EIF4E1B: variants seen among roughly 807,000 people sequenced by gnomAD.
The protein encoded by EIF4E1B is eukaryotic translation initiation factor 4E family member 1B.
EIF4E1B carries 22 observed loss-of-function variants against 31.3 expected under a neutral mutation model. The observed-to-expected ratio is 0.70, with a 90% confidence interval of 0.50 to 1.00. The LOEUF is 1.00. Ranked by LOEUF, EIF4E1B falls within the 50% of genes least tolerant of loss-of-function variation. The pLI, the probability that EIF4E1B is intolerant of heterozygous loss-of-function variation, is 0.00. For synonymous variants in EIF4E1B, 126 were observed against 120.2 expected, an observed-to-expected ratio of 1.05 and a Z score of -0.31; for missense variants, 290 against 311.6, an observed-to-expected ratio of 0.93 and a Z score of 0.52.
intron 6 of EIF4E1B, among the ~76,000 whole-genome samples, 170 bp from the exon 7 acceptor site, chr5:176,644,960 G>A (rs781100829): frequency 6.6e-6 from 1 of 152,196 alleles, no homozygotes; most frequent in Non-Finnish European, 1.5e-5. Flanking sequence ...CTGTCTGTCG[G>A]GGGGAGCTGA....
In EIF4E1B at chr5:176,645,308, G is replaced by C. The variant is rs1356819759; in HGVS notation, c.474+65G>C. 6.4e-7 allele frequency: 1 copy of C among 1,573,804 alleles called. No individual in the cohort carries two copies. The highest frequency in any genetic ancestry group is 2.3e-5 in the East Asian group (1 of 44,150). On this transcript the variant is annotated intron_variant, in intron 7 of 8. Transcript: ENST00000318682. The surrounding 1 kb of genome is among the most constrained non-coding windows in gnomAD (Gnocchi z 5.4). Reference sequence around the variant, plus strand: ...CTGTGTGGGTCTCATGGTGGCAGTGGTCTCAAGGATGGCAGGCCAGTCCCT... The same window carrying C: ...CTGTGTGGGTCTCATGGTGGCAGTGCTCTCAAGGATGGCAGGCCAGTCCCT...
Position 176,643,219 on chromosome 5 carries a change from G to A in EIF4E1B, c.153G>A (p.Thr51=), listed in dbSNP as rs372956251. Residue 51 remains threonine (T), a synonymous_variant, in exon 4 of 9, where the codon ACG becomes ACA. Coordinates refer to ENST00000318682, the MANE Select transcript of EIF4E1B (RefSeq NM_001099408.2). ...TLLSLRGKAR[T]GGPMEVKLEL... Reference sequence around the variant, plus strand: ...TGTCTCTGAGAGGGAAGGCCCGGACGGGGGGCCCCATGGAAGTCAAGCTGG... The same window carrying A: ...TGTCTCTGAGAGGGAAGGCCCGGACAGGGGGCCCCATGGAAGTCAAGCTGG... 30 of 1,613,102 alleles carry A rather than the reference G, an allele frequency of 1.9e-5. No individual in the cohort carries two copies. In the East Asian group the frequency reaches 2.5e-4, roughly 13 times the overall value.
At chr5:176,631,624 G>T (rs1182163877) in intron 1 of EIF4E1B, among the ~76,000 whole-genome samples, 1 of 150,222 alleles carries the variant, frequency 6.7e-6, no homozygotes, top group Non-Finnish European at 1.5e-5. Flanking sequence ...GTAATTAGGC[G>T]AGGGGGCCAC....
intron 1 of EIF4E1B, among the ~76,000 whole-genome samples, chr5:176,640,965 C>T (rs1344245559): frequency 1.3e-5 from 2 of 152,190 alleles, no homozygotes; most frequent in African/African-American, 4.8e-5. Flanking sequence ...CAGTGACCTT[C>T]TTCTCAGTGG....
At chr5:176,636,644 T>C (rs919855989) in intron 1 of EIF4E1B, among the ~76,000 whole-genome samples, 19 of 152,340 alleles carry the variant, frequency 1.2e-4, no homozygotes, top group Middle Eastern at 6.8e-3. Flanking sequence ...CTCAGAGTCC[T>C]GCAGGGCAGG....
At chr5:176,643,294 A>C in intron 4 of EIF4E1B, 28 bp downstream of exon 4, 1 of 1,604,120 alleles carries the variant, frequency 6.2e-7, no homozygotes, top group Non-Finnish European at 8.5e-7. Context: ...AGTGGAACAC[A>C]GCCCCTTGCT....
At chr5:176,639,131 G>T (rs114287190) in intron 1 of EIF4E1B, among the ~76,000 whole-genome samples, 1,570 of 152,254 alleles carry the variant, frequency 0.01, 33 homozygotes, top group African/African-American at 0.034. Context: ...TACGTGACCA[G>T]ATTAATATTT....
Position 176,630,706 on chromosome 5 carries a change from ACGCGG to A in EIF4E1B, c.-557_-553del, listed in dbSNP as rs1760354091. On this transcript the variant is annotated 5_prime_UTR_variant, in exon 1 of 9. Transcript: ENST00000318682. ...TGTTGGGAGTTGAGGGAGGGGGACAACGCGGCGTGTGAAGAGTGGGGAAGAAATCA... is the reference window on the plus strand; with the variant it reads ...TGTTGGGAGTTGAGGGAGGGGGACAACGTGTGAAGAGTGGGGAAGAAATCA... 1 of 152,196 alleles carries A rather than the reference ACGCGG, an allele frequency of 6.6e-6. No homozygotes were observed. Among genetic ancestry groups the A allele is most frequent in the Non-Finnish European group, 1.5e-5 (1 of 68,050 alleles). 9.4% of individuals were successfully genotyped at this position (152,196 alleles called of 1,614,324 possible). A position where few individuals can be genotyped will look rare whatever the true frequency, so the allele number is the denominator to read the frequency against.
In EIF4E1B at chr5:176,642,865, C is replaced by CCCCCCCCCCG. The variant is rs56115420; in HGVS notation, c.15+63_15+64insCCCCCCCCCG. 1.8e-4 allele frequency: 212 copies of CCCCCCCCCCG among 1,172,956 alleles called. 16 individuals are homozygous for CCCCCCCCCCG. Among genetic ancestry groups the CCCCCCCCCCG allele is most frequent in the South Asian group, 5.7e-4 (31 of 54,694 alleles). 72.7% of individuals were successfully genotyped at this position (1,172,956 alleles called of 1,614,324 possible). On this transcript the variant is annotated intron_variant, in intron 3 of 8. Coordinates refer to ENST00000318682, the MANE Select transcript of EIF4E1B (RefSeq NM_001099408.2). ...GCCCCGCCCTCTCCCCCCCCCCCCC[C>CCCCCCCCCCG]GCCCCAGGTGGGCGGGGCAGGTGCT...
chr5:176,632,209 C>T (rs1336575462), intron 1 of EIF4E1B, among the ~76,000 whole-genome samples: 1 of 152,144 alleles, frequency 6.6e-6, no homozygotes, highest in Non-Finnish European at 1.5e-5. Context: ...ACACAGACAC[C>T]TTATATACAA....
Position 176,630,858 on chromosome 5 carries a change from T to C in EIF4E1B, c.-408T>C, listed in dbSNP as rs1760360490. The C allele has an allele frequency of 6.6e-6, 1 of 152,286 alleles. No individual in the cohort carries two copies. The highest frequency in any genetic ancestry group is 1.5e-5 in the Non-Finnish European group (1 of 68,048). 9.4% of individuals were successfully genotyped at this position (152,286 alleles called of 1,614,324 possible). ...AGTTTCCTCCTCTGTAAAACAGGAA[T>C]GGTTAATTCAACGAATGTTTACTGA... On this transcript the variant is annotated 5_prime_UTR_variant, in exon 1 of 9. It removes an upstream start codon present in the reference 5' UTR. Coordinates refer to ENST00000318682, the MANE Select transcript of EIF4E1B (RefSeq NM_001099408.2).
intron 2 of EIF4E1B, 34 bp from the exon 3 acceptor site, chr5:176,642,676 C>A: frequency 6.7e-7 from 1 of 1,496,580 alleles, no homozygotes; most frequent in Non-Finnish European, 9.0e-7. Flanking sequence ...GCTTTCCCTT[C>A]GAGCAGGCTC....
intron 1 of EIF4E1B, among the ~76,000 whole-genome samples, chr5:176,635,259 C>T (rs759767750): frequency 7.9e-5 from 12 of 151,768 alleles, no homozygotes; most frequent in African/African-American, 2.7e-4. Context: ...TAGAGGTCGA[C>T]GAGATAAATG....
chr5:176,646,277 G>C lies in EIF4E1B; in HGVS notation c.*297G>C. The C allele has an allele frequency of 2.9e-6, 1 of 343,138 alleles. No individual in the cohort carries two copies. The highest frequency in any genetic ancestry group is 3.9e-5 in the Admixed American group (1 of 25,588). The allele number at this position is 343,138 out of a possible 1,614,324, so 21.3% of individuals were successfully genotyped here. ...GAAGGAGGGCTCTATGGTAGGCGGA[G>C]AAACCCATAGTCCAGCGTTTACTGT... On this transcript the variant is annotated 3_prime_UTR_variant, in exon 9 of 9. Coordinates refer to ENST00000318682, the MANE Select transcript of EIF4E1B (RefSeq NM_001099408.2).
At chr5:176,639,928 A>G (rs150421806) in intron 1 of EIF4E1B, among the ~76,000 whole-genome samples, 36 of 152,258 alleles carry the variant, frequency 2.4e-4, no homozygotes, top group African/African-American at 8.7e-4. Flanking sequence ...TCTCAAAACA[A>G]CAACAACAAA....
intron 1 of EIF4E1B, among the ~76,000 whole-genome samples, chr5:176,633,078 C>A (rs1760433251): frequency 6.6e-6 from 1 of 152,232 alleles, no homozygotes; most frequent in Non-Finnish European, 1.5e-5. Flanking sequence ...GCTGCACTGT[C>A]CATGCCCAGC....
chr5:176,640,202 C>G (rs937363961), intron 1 of EIF4E1B, among the ~76,000 whole-genome samples: 7 of 152,222 alleles, frequency 4.6e-5, no homozygotes, highest in African/African-American at 1.7e-4. Flanking sequence ...CAAGCAGCCA[C>G]ATGGAGAGGC....
chr5:176,644,107 G>A (rs1760647494), intron 5 of EIF4E1B: 1 of 573,646 alleles, frequency 1.7e-6, no homozygotes, highest in Non-Finnish European at 3.1e-6. Flanking sequence ...TAGGGAGGGT[G>A]AGAAGGCCTC....
In EIF4E1B at chr5:176,645,551, G is replaced by T. The variant is rs1760682045; in HGVS notation, c.614+35G>T. ...GTCTCTGGCACAGGGTGGGGACTTG[G>T]GTCTCTGCTAGAGGGAAGGTGGGTG... On this transcript the variant is annotated intron_variant, in intron 8 of 8. Transcript: ENST00000318682. This position sits in a 1 kb window ranked among gnomAD's most constrained non-coding sequence, Gnocchi z 5.4. 1.3e-6 allele frequency: 2 copies of T among 1,499,168 alleles called. No individual in the cohort carries two copies. Among genetic ancestry groups the T allele is most frequent in the East Asian group, 4.7e-5 (2 of 42,932 alleles). 92.9% of individuals were successfully genotyped at this position (1,499,168 alleles called of 1,614,324 possible). A position where few individuals can be genotyped will look rare whatever the true frequency, so the allele number is the denominator to read the frequency against.
Sources: allele counts gnomAD v4.1 joint callset (sites outside exome capture counted in the v4.1 genomes callset), GRCh38; gene constraint gnomAD v4.1.1; non-coding constraint Gnocchi (gnomAD v3.1); transcripts MANE v1.5; gene names NCBI Gene and HGNC (gene_info 2026-07-23, HGNC 2026-07-21).